The following SGCD variants were observed in gnomAD, a reference collection of about 807,000 sequenced individuals.
SGCD encodes delta-sarcoglycan.
SGCD carries 18 observed loss-of-function variants against 36.6 expected under a neutral mutation model. The observed-to-expected ratio is 0.49, with a 90% CI of 0.34 to 0.73. SGCD has a LOEUF of 0.73. SGCD is among the 30% of genes least tolerant of loss of function. The pLI is 0.01. For synonymous variants in SGCD, 133 were observed against 130.6 expected (o/e 1.02, Z -0.12); for missense variants, 387 against 346.7 (o/e 1.12, Z -0.92).
At position 156,085,073 on chromosome 5, in the gene SGCD, T is replaced by C. The variant is rs779793099; in HGVS notation, c.-281-32805T>C. ...ATTGGTCATGATGTGTAATTCTTTT[T>C]ACATATTGTTGGAGTTGGTTTACTA... is the stretch of plus-strand genomic sequence containing the variant. On this transcript the variant is annotated intron_variant, in intron 1 of 9. Transcript: ENST00000517913. Among the ~76,000 whole-genome samples the C allele has an allele frequency of 1.6e-4, 24 of 151,620 alleles. No homozygotes were observed. In the Middle Eastern group the frequency reaches 0.01, roughly 65 times the overall value.
At chr5:156,202,772 T>C (rs1336174349) in intron 3 of SGCD, among the ~76,000 whole-genome samples, 6 of 125,386 alleles carry the variant, frequency 4.8e-5, no homozygotes, top group Non-Finnish European at 1.0e-4. Flanking sequence ...TTTTTTTTTT[T>C]CAATTAAAAA....
the SGCD span, among the ~76,000 whole-genome samples, chr5:155,767,207 G>A: frequency 5.9e-5 from 9 of 152,168 alleles, no homozygotes; most frequent in South Asian, 4.1e-4. Context: ...CTGCTGGTGC[G>A]CTTTCCATCG....
intron 3 of SGCD, among the ~76,000 whole-genome samples, chr5:156,257,862 TCAAA>T (rs142723257): frequency 0.013 from 2,034 of 152,238 alleles, 56 homozygotes; most frequent in African/African-American, 0.045. Flanking sequence ...AGAGTCTGCC[TCAAA>T]CAAACAGACA....
upstream of SGCD, among the ~76,000 whole-genome samples, chr5:156,322,396 C>T (rs1317397611): frequency 6.6e-6 from 1 of 152,002 alleles, no homozygotes; most frequent in East Asian, 1.9e-4. Flanking sequence ...TTCCTACAAG[C>T]TAGGCATGGT....
chr5:156,475,714 A>T (rs1755150044), intron 3 of SGCD, among the ~76,000 whole-genome samples: 1 of 152,180 alleles, frequency 6.6e-6, no homozygotes, highest in African/African-American at 2.4e-5. Flanking sequence ...CAATTCCTGG[A>T]GAGTTCTTCC....
At chr5:156,191,294 C>T (rs760603586) in intron 3 of SGCD, among the ~76,000 whole-genome samples, 3 of 152,064 alleles carry the variant, frequency 2.0e-5, no homozygotes, top group South Asian at 2.1e-4. Context: ...TCCAGTTCCT[C>T]GAATCAAGAT....
At chr5:156,692,938 G>A (rs889640048) in intron 7 of SGCD, among the ~76,000 whole-genome samples, 11 of 152,108 alleles carry the variant, frequency 7.2e-5, no homozygotes, top group South Asian at 2.1e-4. Flanking sequence ...TGCACTAACC[G>A]TGTGCCAGAC....
intron 3 of SGCD, among the ~76,000 whole-genome samples, chr5:156,501,780 C>T (rs256819): frequency 0.15 from 23,377 of 152,134 alleles, 2,256 homozygotes; most frequent in East Asian, 0.23. Flanking sequence ...CTGCGATGAG[C>T]AGGGCTTTCA....
intron 1 of SGCD, among the ~76,000 whole-genome samples, chr5:156,006,447 T>C (rs1448784961): frequency 1.3e-5 from 2 of 152,252 alleles, no homozygotes; most frequent in Non-Finnish European, 2.9e-5. Context: ...GTAAGCTTGT[T>C]ACAAATGCGT....
intron 4 of SGCD, among the ~76,000 whole-genome samples, chr5:156,533,027 T>G (rs1757951005): frequency 6.6e-6 from 1 of 152,172 alleles, no homozygotes; most frequent in Admixed American, 6.5e-5. Context: ...AAATGCCATC[T>G]TATCTTGGAG....
chr5:156,209,610 A>G (rs943200803), intron 3 of SGCD, among the ~76,000 whole-genome samples: 2 of 152,060 alleles, frequency 1.3e-5, no homozygotes, highest in African/African-American at 4.8e-5. Context: ...GCCAAAATAA[A>G]CCCAGGTTTC....
chr5:156,178,996 A>T (rs1191474705), intron 3 of SGCD, among the ~76,000 whole-genome samples: 1 of 152,198 alleles, frequency 6.6e-6, no homozygotes, highest in Non-Finnish European at 1.5e-5. Context: ...AATCAAGATC[A>T]AAGGTAGGTT....
intron 3 of SGCD, among the ~76,000 whole-genome samples, chr5:156,489,558 TAAC>T (rs956236702): frequency 2.0e-5 from 3 of 151,936 alleles, no homozygotes; most frequent in African/African-American, 7.2e-5. Flanking sequence ...AAATAGAAGT[TAAC>T]AACAACAGGA....
chr5:155,984,594 G>A (rs1180250361), intron 1 of SGCD, among the ~76,000 whole-genome samples: 2 of 152,106 alleles, frequency 1.3e-5, no homozygotes, highest in Non-Finnish European at 2.9e-5. Flanking sequence ...TGGTGTCTTC[G>A]GCATTAATCT....
intron 3 of SGCD, among the ~76,000 whole-genome samples, chr5:156,420,936 T>C (rs1026470824): frequency 1.3e-5 from 2 of 152,110 alleles, no homozygotes; most frequent in African/African-American, 4.8e-5. Flanking sequence ...TTTTAGTTTA[T>C]AGACTGGGGC....
intron 7 of SGCD, among the ~76,000 whole-genome samples, chr5:156,655,468 G>A (rs1307878168): frequency 6.6e-6 from 1 of 152,044 alleles, no homozygotes; most frequent in Non-Finnish European, 1.5e-5. Flanking sequence ...TGTTTTCAGA[G>A]TTACTATATT....
intron 6 of SGCD, among the ~76,000 whole-genome samples, chr5:156,611,118 C>T (rs149377180): frequency 0.051 from 7,789 of 152,282 alleles, 270 homozygotes; most frequent in Non-Finnish European, 0.074. Context: ...AGAAATCACC[C>T]GTCTTCTGCG....
chr5:156,285,759 C>T (rs1320160558), intron 3 of SGCD, among the ~76,000 whole-genome samples: 1 of 152,096 alleles, frequency 6.6e-6, no homozygotes, highest in African/African-American at 2.4e-5. Flanking sequence ...AGGACATAGG[C>T]ATGGGCAAGG....
At chr5:155,905,369 T>C (rs999670730) in intron 1 of SGCD, among the ~76,000 whole-genome samples, 1 of 152,012 alleles carries the variant, frequency 6.6e-6, no homozygotes, top group African/African-American at 2.4e-5. Context: ...TTTTTGGAGA[T>C]GTATATTGAG....
Sources: gnomAD v4.1 joint callset for allele counts (sites outside exome capture counted in the v4.1 genomes callset) on GRCh38, gnomAD v4.1.1 for gene constraint, MANE v1.5 for transcripts, NCBI Gene and HGNC (gene_info 2026-07-23, HGNC 2026-07-21) for gene names.